Variants in NBEA observed in about 807,000 individuals in gnomAD.
NBEA encodes lysosomal-trafficking regulator 2.
Under a neutral mutation model 343.4 loss-of-function variants are expected in NBEA, and 44 were observed. The ratio of observed to expected loss-of-function variants is 0.13; its 90% CI spans 0.10 to 0.16. NBEA has a LOEUF of 0.16. Among genes scored for constraint, NBEA ranks in the 10% least tolerant of loss-of-function variants. The pLI is 1.00. For missense variants in NBEA, 2,555 were observed against 3,631.3 expected (o/e 0.70, Z 7.62); for synonymous variants, 1,175 against 1,238.7 (o/e 0.95, Z 1.08).
At chr13:35,462,618 A>G (rs973505697) in intron 40 of NBEA, among the ~76,000 whole-genome samples, 1 of 152,136 alleles carries the variant, frequency 6.6e-6, no homozygotes, top group African/African-American at 2.4e-5. Flanking sequence ...TATGACAGTG[A>G]TGAATTTTTT....
Position 35,262,492 on chromosome 13 carries a change from G to A in NBEA, c.5777-27897G>A, listed in dbSNP as rs138199293. 8.5e-5 allele frequency among the ~76,000 whole-genome samples: 13 copies of A among 152,122 alleles called. No homozygotes were observed. In the East Asian group the frequency reaches 2.3e-3, roughly 27 times the overall value. On this transcript the variant is annotated intron_variant, in intron 34 of 58. Transcript: ENST00000379939. ...GGAATGCTACTGAACAGAAACAAAG[G>A]GCCACACTTATAAACCTGACTATGT...
At chr13:35,407,443 A>T (rs2043330260) in intron 38 of NBEA, among the ~76,000 whole-genome samples, 1 of 152,070 alleles carries the variant, frequency 6.6e-6, no homozygotes, top group Non-Finnish European at 1.5e-5. Context: ...AAGTAAAATA[A>T]AATAAAGCCC....
chr13:35,102,186 G>A (rs2065678701), intron 11 of NBEA, among the ~76,000 whole-genome samples: 2 of 151,270 alleles, frequency 1.3e-5, no homozygotes, highest in African/African-American at 4.9e-5. Context: ...CATCTAGCTG[G>A]CCCAGTACCA....
At chr13:35,006,436 TTTTTGATATATTTTAATC>T (rs151306977) in intron 1 of NBEA, among the ~76,000 whole-genome samples, 2,591 of 152,202 alleles carry the variant, frequency 0.017, 101 homozygotes, top group East Asian at 0.14. Flanking sequence ...AGTGCTATTG[TTTTTGATATATTTTAATC>T]TTTTCCATCT....
At chr13:34,965,947 TTTTGA>T (rs1338224689) in intron 1 of NBEA, among the ~76,000 whole-genome samples, 1 of 152,070 alleles carries the variant, frequency 6.6e-6, no homozygotes, top group Non-Finnish European at 1.5e-5. Flanking sequence ...CTGTTGACTG[TTTTGA>T]TTTAATATTA....
At chr13:35,033,558 TG>T (rs2062323003) in intron 1 of NBEA, among the ~76,000 whole-genome samples, 1 of 152,030 alleles carries the variant, frequency 6.6e-6, no homozygotes, top group Non-Finnish European at 1.5e-5. Flanking sequence ...ATTGGTATTT[TG>T]ATAGGGATTG....
chr13:35,519,504 A>G (rs1022796669), intron 41 of NBEA, among the ~76,000 whole-genome samples: 1 of 152,014 alleles, frequency 6.6e-6, no homozygotes, highest in African/African-American at 2.4e-5. Context: ...TTATTTTCAG[A>G]TTTTCTAGGC....
At chr13:35,110,421 T>G (rs2066143171) in intron 12 of NBEA, among the ~76,000 whole-genome samples, 1 of 152,162 alleles carries the variant, frequency 6.6e-6, no homozygotes, top group Non-Finnish European at 1.5e-5. Context: ...TTTTCAGATA[T>G]GCTTTAGCTG....
At chr13:35,399,535 C>G (rs1250750552) in intron 38 of NBEA, among the ~76,000 whole-genome samples, 1 of 152,064 alleles carries the variant, frequency 6.6e-6, no homozygotes, top group Non-Finnish European at 1.5e-5. Flanking sequence ...CACCCATAAT[C>G]CAGTCATTAC....
intron 2 of NBEA, among the ~76,000 whole-genome samples, chr13:35,042,844 A>G (rs2062704830): frequency 1.3e-5 from 2 of 151,876 alleles, no homozygotes; most frequent in African/African-American, 4.8e-5. Flanking sequence ...AGGAAGAACC[A>G]GTAGCCACTA....
chr13:35,468,114 C>CT (rs1240266361), intron 40 of NBEA, among the ~76,000 whole-genome samples: 1 of 144,964 alleles, frequency 6.9e-6, no homozygotes, highest in African/African-American at 2.5e-5. Context: ...TTACACCCCC[C>CT]CCCCACTCCC....
At chr13:35,337,243 G>T (rs965868868) in intron 36 of NBEA, among the ~76,000 whole-genome samples, 1 of 151,984 alleles carries the variant, frequency 6.6e-6, no homozygotes, top group African/African-American at 2.4e-5. Flanking sequence ...TTTATAAAAA[G>T]GATTCAACTG....
intron 13 of NBEA, among the ~76,000 whole-genome samples, chr13:35,113,382 G>T (rs2066312800): frequency 6.6e-6 from 1 of 151,858 alleles, no homozygotes; most frequent in Non-Finnish European, 1.5e-5. Flanking sequence ...CTTTCTCTTT[G>T]GTAATTAATA....
intron 36 of NBEA, among the ~76,000 whole-genome samples, chr13:35,342,837 C>T (rs2039662794): frequency 6.6e-6 from 1 of 151,706 alleles, no homozygotes; most frequent in Admixed American, 6.6e-5. Flanking sequence ...CCCAACCCCT[C>T]CCCACCCCAA....
intron 1 of NBEA, among the ~76,000 whole-genome samples, chr13:34,995,210 T>G (rs1007307825): frequency 6.6e-6 from 1 of 152,150 alleles, no homozygotes; most frequent in African/African-American, 2.4e-5. Flanking sequence ...CCCAGCACTT[T>G]GGGAGGCCAA....
chr13:35,054,739 G>T (rs1219193357), intron 6 of NBEA, among the ~76,000 whole-genome samples: 2 of 150,642 alleles, frequency 1.3e-5, no homozygotes, highest in Admixed American at 6.6e-5. Context: ...TGCCTCCCAG[G>T]TTCAAGTGAT....
chr13:35,542,377 C>A (rs2078871989), intron 41 of NBEA, among the ~76,000 whole-genome samples: 1 of 152,106 alleles, frequency 6.6e-6, no homozygotes, highest in South Asian at 2.1e-4. Context: ...TTTTATATTA[C>A]TGAATTATTT....
intron 41 of NBEA, among the ~76,000 whole-genome samples, chr13:35,481,444 G>C (rs1410689547): frequency 1.3e-5 from 2 of 151,336 alleles, no homozygotes; most frequent in Non-Finnish European, 3.0e-5. Context: ...GTTTTCAGTT[G>C]TATCTGTAAA....
intron 34 of NBEA, among the ~76,000 whole-genome samples, chr13:35,285,909 T>C (rs574544382): frequency 4.6e-5 from 7 of 152,158 alleles, no homozygotes; most frequent in Non-Finnish European, 1.0e-4. Context: ...GCCTACGACA[T>C]AACATTCCAA....
Sources: allele counts gnomAD v4.1 joint callset (sites outside exome capture counted in the v4.1 genomes callset), GRCh38; gene constraint gnomAD v4.1.1; transcripts MANE v1.5; gene names NCBI Gene and HGNC (gene_info 2026-07-23, HGNC 2026-07-21).